The following DGKD variants were observed in gnomAD, a reference collection of about 807,000 sequenced individuals.
The protein encoded by DGKD is diacylglycerol kinase delta.
Under a neutral mutation model 154.4 loss-of-function variants are expected in DGKD, and 68 were observed. That is an observed-to-expected ratio of 0.44 (90% confidence interval 0.36 to 0.54). The LOEUF (loss-of-function observed/expected upper bound fraction) is 0.54. Ranked by LOEUF, DGKD falls within the 20% of genes least tolerant of loss-of-function variation. DGKD has a pLI of 0.00. For synonymous variants in DGKD, 693 were observed against 638.0 expected (o/e 1.09, Z -1.30); for missense variants, 1,343 against 1,593.6 (o/e 0.84, Z 2.68).
intron 10 of DGKD, chr2:233,442,686 A>G: frequency 6.4e-6 from 1 of 157,150 alleles, no homozygotes; most frequent in Non-Finnish European, 1.4e-5. Flanking sequence ...GCTCACTACA[A>G]CCTCTGCCTC....
Position 233,460,934 on chromosome 2 carries a change from C to T in DGKD, c.2981+589C>T, listed in dbSNP as rs143723071. On this transcript the variant is annotated intron_variant, in intron 24 of 29. Transcript: ENST00000264057. Reference sequence around the variant, plus strand: ...AACAAAAAAACCCTGCCCTGGCTCCCGAGGGCAGCCCGCTGACAGCCGCCT... The same window carrying T: ...AACAAAAAAACCCTGCCCTGGCTCCTGAGGGCAGCCCGCTGACAGCCGCCT... 1.0e-2 allele frequency among the ~76,000 whole-genome samples: 1,512 copies of T among 151,936 alleles called. 16 individuals are homozygous for T. Among genetic ancestry groups the T allele is most frequent in the East Asian group, 0.028 (144 of 5,160 alleles).
Position 233,388,381 on chromosome 2 carries a change from C to T in DGKD, c.267+14C>T. 6.2e-7 allele frequency: 1 copy of T among 1,607,996 alleles called. No homozygotes were observed. Among genetic ancestry groups the T allele is most frequent in the South Asian group, 1.1e-5 (1 of 90,078 alleles). The stretch of plus-strand genomic sequence containing the variant: ...AAAACGGCAAAGGTGAGGCCCCATG[C>T]AGGAAAGCACACGCGAGGACATCAC... On this transcript the variant is annotated intron_variant, in intron 2 of 29. Coordinates refer to ENST00000264057, the MANE Select transcript of DGKD (RefSeq NM_152879.3).
At chr2:233,377,808 T>TTTTG (rs1210448490) in intron 1 of DGKD, among the ~76,000 whole-genome samples, 8 of 152,180 alleles carry the variant, frequency 5.3e-5, no homozygotes, top group Non-Finnish European at 8.8e-5. Flanking sequence ...TCTTTGGTTT[T>TTTTG]TTTGTTTGTT....
Position 233,448,427 on chromosome 2 carries a change from C to T in DGKD, c.1614+52C>T, listed in dbSNP as rs368176509. ...GGGCATTGAGGCAGCGAGAAGCTTG[C>T]TCTGTCACCAGCAGAGGGCCGTGAC... On this transcript the variant is annotated intron_variant, in intron 14 of 29. Coordinates refer to ENST00000264057, the MANE Select transcript of DGKD (RefSeq NM_152879.3). 5.6e-5 allele frequency: 87 copies of T among 1,555,538 alleles called. No homozygotes were observed. In the African/African-American group the frequency reaches 9.9e-4, roughly 18 times the overall value.
intron 1 of DGKD, among the ~76,000 whole-genome samples, chr2:233,374,119 C>T (rs1048487057): frequency 5.2e-5 from 7 of 135,764 alleles, no homozygotes; most frequent in South Asian, 4.7e-4. Context: ...GGTGTGATCT[C>T]GGCTCACTGC....
chr2:233,402,624 T>A (rs1192759163), intron 3 of DGKD, among the ~76,000 whole-genome samples: 1 of 152,178 alleles, frequency 6.6e-6, no homozygotes, highest in African/African-American at 2.4e-5. Flanking sequence ...AGGCTCCCCC[T>A]TTTACAATTT....
Position 233,470,588 on chromosome 2 carries a change from G to A in DGKD, c.*1128G>A, listed in dbSNP as rs993611707. 3 of 152,522 alleles carry A rather than the reference G, an allele frequency of 2.0e-5. No individual in the cohort carries two copies. Among genetic ancestry groups the A allele is most frequent in the Admixed American group, 6.5e-5 (1 of 15,290 alleles). 9.4% of individuals were successfully genotyped at this position (152,522 alleles called of 1,614,324 possible). ...TGAACTAGTAGATGATGGTGCCAGA[G>A]GGCAGGGAGCTCGCCTGGGGAGAGG... On this transcript the variant is annotated 3_prime_UTR_variant, in exon 30 of 30. Coordinates refer to ENST00000264057, the MANE Select transcript of DGKD (RefSeq NM_152879.3).
At chr2:233,444,049 C>T (rs1411193479) in intron 10 of DGKD, among the ~76,000 whole-genome samples, 3 of 152,110 alleles carry the variant, frequency 2.0e-5, no homozygotes, top group African/African-American at 4.8e-5. Context: ...GAACGCTCAG[C>T]GACTTGCAGG....
chr2:233,387,462 C>A (rs925692454), intron 1 of DGKD, among the ~76,000 whole-genome samples: 2 of 152,056 alleles, frequency 1.3e-5, no homozygotes, highest in Admixed American at 6.5e-5. Context: ...GCTCCGAGTA[C>A]GTCAAAACAT....
intron 1 of DGKD, among the ~76,000 whole-genome samples, chr2:233,374,584 C>T (rs1702476451): frequency 1.3e-5 from 2 of 152,074 alleles, no homozygotes; most frequent in Non-Finnish European, 2.9e-5. Context: ...ATTTGCCCAC[C>T]TCTTTCTCCC....
Position 233,445,610 on chromosome 2 carries a change from CAT to C in DGKD, c.1195-12_1195-11del. 1.3e-6 allele frequency: 2 copies of C among 1,599,342 alleles called. No individual in the cohort carries two copies. The highest frequency in any genetic ancestry group is 8.5e-7 in the Non-Finnish European group (1 of 1,172,606). ...AGGTGTTTGCCTGCGCATCGTCCCC[CAT>C]GTTTCCTTAGTGTCAGCTGGGAGTG... is the stretch of plus-strand genomic sequence containing the variant. On this transcript the variant is annotated splice_polypyrimidine_tract_variant and intron_variant, in intron 10 of 29. Transcript: ENST00000264057. The surrounding 1 kb of genome is among the most constrained non-coding windows in gnomAD (Gnocchi z 5.5).
intron 1 of DGKD, among the ~76,000 whole-genome samples, chr2:233,374,130 A>G (rs1015802373): frequency 2.0e-5 from 3 of 150,650 alleles, no homozygotes; most frequent in African/African-American, 7.4e-5. Flanking sequence ...GGCTCACTGC[A>G]ACCTCCACCT....
intron 1 of DGKD, 32 bp from the exon 2 acceptor site, chr2:233,388,225 G>T: frequency 1.3e-6 from 2 of 1,597,114 alleles, no homozygotes; most frequent in East Asian, 2.2e-5. Context: ...CCTTGAAAAC[G>T]CAAGTTTATG....
intron 3 of DGKD, chr2:233,419,402 C>G (rs1354741186): frequency 2.3e-5 from 23 of 985,462 alleles, no homozygotes; most frequent in Non-Finnish European, 2.7e-5. Context: ...GGAAACTGTT[C>G]TGAGCAGGAA....
chr2:233,370,104 A>G (rs1240436494), intron 1 of DGKD, among the ~76,000 whole-genome samples: 2 of 152,046 alleles, frequency 1.3e-5, no homozygotes, highest in African/African-American at 4.8e-5. Flanking sequence ...CCCTACATGG[A>G]AATCCCTTCC....
chr2:233,446,729 A>G lies in DGKD; in HGVS notation c.1352A>G (p.Tyr451Cys). 6.2e-7 allele frequency: 1 copy of G among 1,613,998 alleles called. No individual in the cohort carries two copies. Among genetic ancestry groups the G allele is most frequent in the Non-Finnish European group, 8.5e-7 (1 of 1,180,008 alleles). The stretch of plus-strand genomic sequence containing the variant: ...GTGTGCAGGTGGAGCGTCATGGCAT[A>G]CGAGGCCAAGCTCCCCCGGCAGGCC... The part of the protein sequence containing the change: ...KMLDRWSVMA[Y>C]EAKLPRQASS... The change falls in exon 12 of 30, where the codon TAC (tyrosine) becomes TGC (cysteine). Residue 451 changes from tyrosine to cysteine, a missense_variant. Transcript: ENST00000264057.
intron 3 of DGKD, 43 bp downstream of exon 3, chr2:233,390,526 T>C (rs749738295): frequency 6.7e-7 from 1 of 1,500,932 alleles, no homozygotes; most frequent in Non-Finnish European, 9.3e-7. Context: ...TTCACTGAAG[T>C]TGGCTTTCCT....
At position 233,419,339 on chromosome 2, in the gene DGKD, C is replaced by T. The variant is rs575231541; in HGVS notation, c.349-15041C>T. 1.4e-4 allele frequency: 137 copies of T among 985,476 alleles called. 1 individual carries two copies. In the African/African-American group the frequency reaches 2.3e-3, roughly 17 times the overall value. 61.0% of individuals were successfully genotyped at this position (985,476 alleles called of 1,614,324 possible). On this transcript the variant is annotated intron_variant, in intron 3 of 29. Transcript: ENST00000264057. ...AGGCTCTTGCCCATTGACTTTAACA[C>T]CCAGTTTTTGTTTGTGCTGGGTCAC...
chr2:233,439,637 C>T (rs934678710), intron 9 of DGKD, among the ~76,000 whole-genome samples: 5 of 152,208 alleles, frequency 3.3e-5, no homozygotes, highest in African/African-American at 1.2e-4. Flanking sequence ...TCCTGGCTCA[C>T]AGCAGCCTCA....
Sources: gnomAD v4.1 joint callset for allele counts (sites outside exome capture counted in the v4.1 genomes callset) on GRCh38, gnomAD v4.1.1 for gene constraint, Gnocchi (gnomAD v3.1) non-coding constraint, MANE v1.5 for transcripts, NCBI Gene and HGNC (gene_info 2026-07-23, HGNC 2026-07-21) for gene names.